The following MACROD2 variants were observed in gnomAD, a reference collection of about 807,000 sequenced individuals.
MACROD2 encodes ADP-ribose glycohydrolase MACROD2.
Under a neutral mutation model 70.4 loss-of-function variants are expected in MACROD2, and 36 were observed. The ratio of observed to expected loss-of-function variants is 0.51; its 90% CI spans 0.39 to 0.68. The LOEUF is 0.68. Ranked by LOEUF, MACROD2 falls within the 30% of genes least tolerant of loss-of-function variation. The pLI is 0.00. For synonymous variants in MACROD2, 172 were observed against 178.8 expected (o/e 0.96, Z 0.30); for missense variants, 496 against 538.4 (o/e 0.92, Z 0.78).
chr20:14,957,165 TA>T (rs1568897073), intron 5 of MACROD2, among the ~76,000 whole-genome samples: 1 of 152,250 alleles, frequency 6.6e-6, no homozygotes, highest in Non-Finnish European at 1.5e-5. Flanking sequence ...TTTTTTAATG[TA>T]AAAAAGAACT....
intron 3 of MACROD2, among the ~76,000 whole-genome samples, chr20:14,228,380 C>T (rs2081765761): frequency 1.3e-5 from 2 of 150,616 alleles, no homozygotes; most frequent in Non-Finnish European, 2.9e-5. Context: ...CTCTGTCACC[C>T]AGGCTGGAGT....
chr20:14,820,627 G>A (rs1236346092), intron 5 of MACROD2, among the ~76,000 whole-genome samples: 14 of 151,812 alleles, frequency 9.2e-5, no homozygotes, highest in Non-Finnish European at 1.5e-5. Context: ...AGTGGGTTTT[G>A]GTGTTTATTT....
intron 6 of MACROD2, among the ~76,000 whole-genome samples, chr20:15,245,326 ATTT>A (rs2077096240): frequency 6.6e-6 from 1 of 152,104 alleles, no homozygotes; most frequent in Admixed American, 6.5e-5. Flanking sequence ...GAGAAAATGT[ATTT>A]ACTTATTTTC....
chr20:14,626,084 A>G (rs1984137278), intron 4 of MACROD2, among the ~76,000 whole-genome samples: 1 of 152,130 alleles, frequency 6.6e-6, no homozygotes, highest in Admixed American at 6.6e-5. Context: ...TCAGCCTCCC[A>G]AAGTGCTGGG....
At chr20:15,310,053 A>G (rs1234698420) in intron 6 of MACROD2, among the ~76,000 whole-genome samples, 1 of 152,192 alleles carries the variant, frequency 6.6e-6, no homozygotes, top group Non-Finnish European at 1.5e-5. Context: ...TTACTAGCAT[A>G]GTATGGCCAG....
chr20:14,215,224 TC>T (rs2081608552), intron 3 of MACROD2, among the ~76,000 whole-genome samples: 1 of 150,876 alleles, frequency 6.6e-6, no homozygotes, highest in African/African-American at 2.4e-5. Flanking sequence ...ATATATATTT[TC>T]CATCATATAT....
intron 6 of MACROD2, among the ~76,000 whole-genome samples, chr20:15,327,158 T>C (rs2077939199): frequency 6.6e-6 from 1 of 152,096 alleles, no homozygotes; most frequent in African/African-American, 2.4e-5. Context: ...GCATGTATGA[T>C]TGGAGGAAAA....
At chr20:14,503,078 G>T (rs545050482) in intron 4 of MACROD2, among the ~76,000 whole-genome samples, 6 of 152,206 alleles carry the variant, frequency 3.9e-5, no homozygotes, top group Admixed American at 6.5e-5. Context: ...TATGTGAAAA[G>T]AAGCCAGAAG....
At chr20:14,355,172 A>G (rs1007617063) in intron 3 of MACROD2, among the ~76,000 whole-genome samples, 1 of 151,984 alleles carries the variant, frequency 6.6e-6, no homozygotes, top group Non-Finnish European at 1.5e-5. Context: ...TCTTTGAGAA[A>G]CCTCCAAACT....
intron 5 of MACROD2, among the ~76,000 whole-genome samples, chr20:15,017,432 C>T (rs149940413): frequency 0.1 from 15,830 of 152,254 alleles, 1,101 homozygotes; most frequent in Non-Finnish European, 0.14. Flanking sequence ...TGGCTGCTTT[C>T]ACGGGCTGGC....
chr20:14,349,782 T>C (rs2083103045), intron 3 of MACROD2, among the ~76,000 whole-genome samples: 1 of 150,722 alleles, frequency 6.6e-6, no homozygotes. Flanking sequence ...CCATCCATGT[T>C]ATTGCAAATG....
At chr20:15,898,783 T>C (rs2147237806) in intron 10 of MACROD2, among the ~76,000 whole-genome samples, 1 of 152,002 alleles carries the variant, frequency 6.6e-6, no homozygotes, top group Non-Finnish European at 1.5e-5. Context: ...ACTTTATCAT[T>C]TCGGTTTCAA....
rs182828954 is a variant in MACROD2 at position 15,824,844 on chromosome 20, C to T, written c.646-37901C>T. 3.6e-3 allele frequency among the ~76,000 whole-genome samples: 555 copies of T among 152,248 alleles called. 5 individuals carry two copies. Among genetic ancestry groups the T allele is most frequent in the Non-Finnish European group, 4.7e-3 (322 of 68,024 alleles). ...TCACTATATCCACCACTCAACCATG[C>T]CTGGAATAGACGCTCATTAATGTTT... is the stretch of plus-strand genomic sequence containing the variant. On this transcript the variant is annotated intron_variant, in intron 8 of 17. Coordinates refer to ENST00000684519, the MANE Select transcript of MACROD2 (RefSeq NM_001351661.2).
chr20:15,937,081 C>T (rs1425432013), intron 11 of MACROD2, among the ~76,000 whole-genome samples: 1 of 152,134 alleles, frequency 6.6e-6, no homozygotes, highest in East Asian at 1.9e-4. Context: ...AAGAAAAAAA[C>T]AAACTTTAGA....
intron 3 of MACROD2, among the ~76,000 whole-genome samples, chr20:14,353,941 C>A (rs1469720277): frequency 6.6e-6 from 1 of 152,136 alleles, no homozygotes; most frequent in South Asian, 2.1e-4. Flanking sequence ...AAAAAATATA[C>A]CTTTAGGAAG....
intron 6 of MACROD2, among the ~76,000 whole-genome samples, chr20:15,354,050 CG>C (rs2078258493): frequency 6.8e-6 from 1 of 148,026 alleles, no homozygotes; most frequent in Non-Finnish European, 1.5e-5. Flanking sequence ...CACATGCACA[CG>C]TATGTTTATT....
intron 8 of MACROD2, among the ~76,000 whole-genome samples, chr20:15,524,856 G>C (rs1328308264): frequency 6.6e-6 from 1 of 152,190 alleles, no homozygotes; most frequent in Admixed American, 6.5e-5. Flanking sequence ...ATAGTCACAT[G>C]TGGCTGGTGG....
chr20:14,333,130 G>GT (rs2082874337), intron 3 of MACROD2, among the ~76,000 whole-genome samples: 1 of 151,988 alleles, frequency 6.6e-6, no homozygotes, highest in African/African-American at 2.4e-5. Context: ...AGTCTGAAGG[G>GT]TTTGCTGAGA....
At chr20:15,952,215 T>C (rs1475584037) in intron 12 of MACROD2, among the ~76,000 whole-genome samples, 1 of 152,092 alleles carries the variant, frequency 6.6e-6, no homozygotes, top group Non-Finnish European at 1.5e-5. Context: ...CTGTTTTTCT[T>C]CCCGGTCTTG....
Sources: allele counts gnomAD v4.1 joint callset (sites outside exome capture counted in the v4.1 genomes callset), GRCh38; gene constraint gnomAD v4.1.1; transcripts MANE v1.5; gene names NCBI Gene and HGNC (gene_info 2026-07-23, HGNC 2026-07-21).